Variants in WDPCP observed in about 807,000 individuals in gnomAD.
The protein encoded by WDPCP is WD repeat-containing and planar cell polarity effector protein fritz homolog.
Under a neutral mutation model 93.1 loss-of-function variants are expected in WDPCP, and 71 were observed. The ratio of observed to expected loss-of-function variants is 0.76; its 90% confidence interval spans 0.63 to 0.93. The LOEUF (loss-of-function observed/expected upper bound fraction) is 0.93, where lower values mean the gene tolerates loss of function less well. Ranked by LOEUF, WDPCP falls within the 40% of genes least tolerant of loss-of-function variation. The pLI, the probability that WDPCP is intolerant of heterozygous loss-of-function variation, is 0.00. For synonymous variants in WDPCP, 315 were observed against 315.0 expected (o/e 1.00, Z 0.00); for missense variants, 844 against 887.4 (o/e 0.95, Z 0.62).
At chr2:63,542,333 C>A (rs955954505) in intron 1 of WDPCP, among the ~76,000 whole-genome samples, 1 of 152,074 alleles carries the variant, frequency 6.6e-6, no homozygotes, top group African/African-American at 2.4e-5. Flanking sequence ...ATTAAGTATT[C>A]ACAGAACAAA....
intron 1 of WDPCP, among the ~76,000 whole-genome samples, chr2:63,521,363 A>G (rs1346065570): frequency 1.3e-5 from 2 of 152,216 alleles, no homozygotes; most frequent in Non-Finnish European, 2.9e-5. Context: ...ATGGAGAAAA[A>G]TCTACCAAAC....
chr2:63,450,891 A>G (rs77946550), intron 6 of WDPCP, among the ~76,000 whole-genome samples: 3 of 152,322 alleles, frequency 2.0e-5, no homozygotes, highest in Non-Finnish European at 4.4e-5. Context: ...AGAAACAACT[A>G]TTACACCAGA....
chr2:63,146,200 T>C (rs1380636279), intron 17 of WDPCP, among the ~76,000 whole-genome samples: 4 of 152,204 alleles, frequency 2.6e-5, no homozygotes, highest in Admixed American at 6.6e-5. Context: ...CCTTTATTTC[T>C]TTCTCTTGCC....
At chr2:63,445,163 CGTAA>C (rs10563278) in intron 6 of WDPCP, among the ~76,000 whole-genome samples, 37,232 of 151,192 alleles carry the variant, frequency 0.25, 5,488 homozygotes, top group East Asian at 0.65. Context: ...AAAAAAAACA[CGTAA>C]GTGCCTCCTA....
chr2:63,750,061 T>A (rs1203621212), intron 2 of WDPCP, among the ~76,000 whole-genome samples: 1 of 152,050 alleles, frequency 6.6e-6, no homozygotes, highest in East Asian at 1.9e-4. Context: ...GGAGAATATA[T>A]ATATTTGTGA....
At chr2:63,243,674 A>T (rs971370997) in intron 14 of WDPCP, among the ~76,000 whole-genome samples, 2 of 152,148 alleles carry the variant, frequency 1.3e-5, no homozygotes, top group Non-Finnish European at 2.9e-5. Context: ...CTAAATGTAT[A>T]TACACCCAAC....
At chr2:63,212,840 A>G (rs181016658) in intron 14 of WDPCP, among the ~76,000 whole-genome samples, 217 of 152,262 alleles carry the variant, frequency 1.4e-3, no homozygotes, top group African/African-American at 5.0e-3. Context: ...CTGATAAAAC[A>G]GACTTTAAAC....
intron 1 of WDPCP, among the ~76,000 whole-genome samples, chr2:63,545,023 T>G (rs982460324): frequency 6.6e-6 from 1 of 152,094 alleles, no homozygotes; most frequent in African/African-American, 2.4e-5. Context: ...TAAAGTAAGC[T>G]GGAGGGAGAA....
At chr2:63,813,903 C>T (rs1488542902) in intron 1 of WDPCP, among the ~76,000 whole-genome samples, 1 of 152,090 alleles carries the variant, frequency 6.6e-6, no homozygotes, top group Non-Finnish European at 1.5e-5. Context: ...CTGATAAATA[C>T]TAATATGTTT....
intron 6 of WDPCP, among the ~76,000 whole-genome samples, chr2:63,461,815 C>T (rs143510671): frequency 5.9e-5 from 9 of 152,332 alleles, no homozygotes; most frequent in East Asian, 3.9e-4. Flanking sequence ...CCCTTACCCA[C>T]GTTTCTCTAT....
intron 3 of WDPCP, among the ~76,000 whole-genome samples, chr2:63,623,513 A>G (rs189680916): frequency 1.2e-4 from 18 of 152,280 alleles, no homozygotes; most frequent in Admixed American, 1.2e-3. Context: ...GAAAGCAGAA[A>G]AAAAAAAAAG....
chr2:63,170,906 A>G (rs1443766526), intron 15 of WDPCP, among the ~76,000 whole-genome samples: 1 of 152,186 alleles, frequency 6.6e-6, no homozygotes, highest in Non-Finnish European at 1.5e-5. Context: ...TCCAGAAATA[A>G]ACACTTAACA....
intron 1 of WDPCP, among the ~76,000 whole-genome samples, chr2:63,531,130 A>G (rs1457971873): frequency 6.6e-6 from 1 of 152,192 alleles, no homozygotes; most frequent in African/African-American, 2.4e-5. Context: ...GGCAGCAACG[A>G]GGCTGGGGGA....
intron 6 of WDPCP, among the ~76,000 whole-genome samples, chr2:63,477,260 A>T (rs1196932849): frequency 6.6e-6 from 1 of 152,150 alleles, no homozygotes; most frequent in Non-Finnish European, 1.5e-5. Context: ...CTAGGAACAG[A>T]TTTATAATGA....
Position 63,149,532 on chromosome 2 carries a change from T to C in WDPCP, c.2190+3382A>G, listed in dbSNP as rs190894627. Reference sequence around the variant, plus strand: ...CCTAAGTATATACCCTAGGAATATATAGTTGCCCTGTTTGTAATAGAAAAA... The same window carrying C: ...CCTAAGTATATACCCTAGGAATATACAGTTGCCCTGTTTGTAATAGAAAAA... On this transcript the variant is annotated intron_variant, in intron 17 of 17. Transcript: ENST00000272321. 3.3e-4 allele frequency among the ~76,000 whole-genome samples: 50 copies of C among 152,328 alleles called. 1 individual carries two copies. In the East Asian group the frequency reaches 7.1e-3, roughly 22 times the overall value.
At chr2:63,814,991 A>G (rs1387519286) in intron 1 of WDPCP, among the ~76,000 whole-genome samples, 1 of 152,242 alleles carries the variant, frequency 6.6e-6, no homozygotes, top group Admixed American at 6.5e-5. Flanking sequence ...CCAAATAATG[A>G]AACTGTATCT....
intron 2 of WDPCP, among the ~76,000 whole-genome samples, chr2:63,764,102 A>G (rs376905672): frequency 6.6e-6 from 1 of 152,192 alleles, no homozygotes; most frequent in Non-Finnish European, 1.5e-5. Context: ...GACTTTGAGT[A>G]CATTCACAAT....
At position 63,806,921 on chromosome 2, in the gene WDPCP, T is replaced by C. The variant is rs1670775459; in HGVS notation, n.308+6701A>G. Among the ~76,000 whole-genome samples, 4 of 152,196 alleles carry C rather than the reference T, an allele frequency of 2.6e-5. No individual in the cohort carries two copies. In the South Asian group the frequency reaches 8.3e-4, roughly 32 times the overall value. On this transcript the variant is annotated intron_variant and non_coding_transcript_variant, in intron 2 of 4. Transcript: ENST00000467687. ...GCTCAAACACACATGCTGTACAATT[T>C]GTGCAGTTAATGCAATTATTACAGG... is the stretch of plus-strand genomic sequence containing the variant.
intron 2 of WDPCP, among the ~76,000 whole-genome samples, chr2:63,772,957 A>G (rs1670250381): frequency 6.6e-6 from 1 of 152,098 alleles, no homozygotes; most frequent in Admixed American, 6.6e-5. Context: ...CAATAAGTCA[A>G]GAAAAACAAA....
Sources: allele counts gnomAD v4.1 joint callset (sites outside exome capture counted in the v4.1 genomes callset), GRCh38; gene constraint gnomAD v4.1.1; transcripts MANE v1.5; gene names NCBI Gene and HGNC (gene_info 2026-07-23, HGNC 2026-07-21).